The following UNC13C variants were observed in gnomAD, a reference collection of about 807,000 sequenced individuals.
The protein encoded by UNC13C is unc-13 homolog C, also known as protein unc-13 homolog C.
A neutral mutation model predicts 245.4 loss-of-function variants in UNC13C; 174 were observed. That is an observed-to-expected ratio of 0.71 (90% CI 0.63 to 0.80). The LOEUF (loss-of-function observed/expected upper bound fraction) is 0.80. UNC13C is among the 30% of genes least tolerant of loss of function. The pLI is 0.00. For synonymous variants in UNC13C, 992 were observed against 895.1 expected, an observed-to-expected ratio of 1.11 and a Z score of -1.93; for missense variants, 2,829 against 2,602.9, an observed-to-expected ratio of 1.09 and a Z score of -1.89.
intron 2 of UNC13C, among the ~76,000 whole-genome samples, chr15:54,114,650 A>C (rs2030096795): frequency 6.6e-6 from 1 of 152,208 alleles, no homozygotes; most frequent in Non-Finnish European, 1.5e-5. Flanking sequence ...AATGCAGTAA[A>C]CATATTTCTA....
chr15:53,973,354 G>T (rs1206150914), upstream of UNC13C, among the ~76,000 whole-genome samples: 3 of 152,000 alleles, frequency 2.0e-5, no homozygotes, highest in Non-Finnish European at 2.9e-5. Context: ...TACTATCTAA[G>T]TTGCTTTACA....
At chr15:54,217,739 G>C (rs1168145865) in intron 4 of UNC13C, among the ~76,000 whole-genome samples, 1 of 151,820 alleles carries the variant, frequency 6.6e-6, no homozygotes, top group Non-Finnish European at 1.5e-5. Context: ...TAGATTCATA[G>C]AGGATAAAAA....
the UNC13C span, among the ~76,000 whole-genome samples, chr15:53,837,929 A>G: frequency 6.6e-6 from 1 of 152,140 alleles, no homozygotes; most frequent in Non-Finnish European, 1.5e-5. Context: ...TAAAAAATCA[A>G]TGCATTATTT....
At chr15:53,972,695 G>A in the UNC13C span, 1 of 152,058 alleles carries the variant, frequency 6.6e-6, no homozygotes, top group African/African-American at 2.4e-5. Flanking sequence ...CTTCTGTCAC[G>A]GTTATTTTCA....
At chr15:54,604,706 T>A (rs1899663947) in intron 30 of UNC13C, among the ~76,000 whole-genome samples, 1 of 152,206 alleles carries the variant, frequency 6.6e-6, no homozygotes, top group Admixed American at 6.5e-5. Context: ...TGAACACCTC[T>A]TTCCAGTGCC....
intron 2 of UNC13C, among the ~76,000 whole-genome samples, chr15:54,138,719 G>C (rs898813401): frequency 6.6e-6 from 1 of 151,808 alleles, no homozygotes; most frequent in Non-Finnish European, 1.5e-5. Flanking sequence ...TGCTGGGGTT[G>C]CCATAACATA....
chr15:54,349,160 GAATA>G (rs1174975041), intron 17 of UNC13C, among the ~76,000 whole-genome samples: 1 of 148,712 alleles, frequency 6.7e-6, no homozygotes, highest in Non-Finnish European at 1.5e-5. Context: ...AAAATGTATA[GAATA>G]AATGTTATGA....
chr15:54,248,340 C>G lies in UNC13C; in HGVS notation c.3229-1885C>G, dbSNP rs555236696. ...TTACGCACACAAACACACACACAGC[C>G]CCTCAGCCCAGTTAGAACGGGAGAC... On this transcript the variant is annotated intron_variant, in intron 7 of 32. Transcript: ENST00000260323. 5.4e-4 allele frequency among the ~76,000 whole-genome samples: 82 copies of G among 152,168 alleles called. 3 individuals are homozygous for G. The South Asian group carries it at 0.016, about 29-fold the overall frequency.
At chr15:54,147,435 G>A (rs1229431275) in intron 4 of UNC13C, among the ~76,000 whole-genome samples, 1 of 152,024 alleles carries the variant, frequency 6.6e-6, no homozygotes, top group African/African-American at 2.4e-5. Context: ...TAGCCAGGAT[G>A]GTCTCGATCT....
chr15:54,415,204 C>A, intron 19 of UNC13C, 137 bp downstream of exon 19: 4 of 591,506 alleles, frequency 6.8e-6, no homozygotes, highest in Admixed American at 3.5e-5. Flanking sequence ...AACTTATTTC[C>A]GTATGGTGAA....
chr15:54,455,696 G>T (rs1891483447), intron 19 of UNC13C, among the ~76,000 whole-genome samples: 1 of 151,458 alleles, frequency 6.6e-6, no homozygotes, highest in Non-Finnish European at 1.5e-5. Context: ...CCTGATTTTT[G>T]ATGGGGTTAT....
At chr15:54,585,930 G>A (rs1489919915) in intron 30 of UNC13C, among the ~76,000 whole-genome samples, 1 of 152,126 alleles carries the variant, frequency 6.6e-6, no homozygotes, top group Admixed American at 6.5e-5. Context: ...TAGACAATTG[G>A]CTTTATCCAA....
chr15:54,620,593 C>T (rs1015295459), intron 30 of UNC13C, among the ~76,000 whole-genome samples: 2 of 151,952 alleles, frequency 1.3e-5, no homozygotes, highest in African/African-American at 2.4e-5. Flanking sequence ...GCTCTATTCT[C>T]GGCTGGGCAT....
Position 54,533,043 on chromosome 15 carries a change from T to G in UNC13C, c.5673T>G (p.Ser1891=). 6.3e-7 allele frequency: 1 copy of G among 1,593,874 alleles called. No homozygotes were observed. Residue 1891 remains serine (S), a synonymous_variant, in exon 26 of 33, where the codon TCT becomes TCG. Coordinates refer to ENST00000260323, the MANE Select transcript of UNC13C (RefSeq NM_001080534.3). ...AAMDAEIVLR[S]LMDFLDKTLS... The stretch of plus-strand genomic sequence containing the variant: ...TGGATGCAGAGATTGTGTTAAGATC[T>G]CTTATGGATTTTTTGGACAAAACGT...
chr15:54,136,776 G>A (rs1396455099), intron 2 of UNC13C, among the ~76,000 whole-genome samples: 1 of 151,988 alleles, frequency 6.6e-6, no homozygotes, highest in East Asian at 1.9e-4. Context: ...ATTTTGTCAA[G>A]AGCTTTTTCT....
chr15:54,238,134 G>C (rs1239615730), intron 7 of UNC13C, among the ~76,000 whole-genome samples: 1 of 137,432 alleles, frequency 7.3e-6, no homozygotes, highest in Non-Finnish European at 1.5e-5. Context: ...CAGTGCAGTG[G>C]CACGATCTCG....
the UNC13C span, among the ~76,000 whole-genome samples, chr15:53,962,994 GTAGCT>G: frequency 1.3e-5 from 2 of 152,198 alleles, no homozygotes; most frequent in African/African-American, 2.4e-5. Flanking sequence ...GAATATTTAT[GTAGCT>G]TTCTCGACTG....
chr15:54,630,191 T>C (rs888873749), downstream of UNC13C: 3 of 152,192 alleles, frequency 2.0e-5, no homozygotes, highest in Non-Finnish European at 4.4e-5. Flanking sequence ...TAAATCAAAT[T>C]TAGCAAACAC....
At chr15:54,472,813 T>A (rs1892530488) in intron 19 of UNC13C, among the ~76,000 whole-genome samples, 2 of 151,966 alleles carry the variant, frequency 1.3e-5, no homozygotes, top group South Asian at 4.1e-4. Flanking sequence ...TTTGCTGCTT[T>A]CAAGGCTCTC....
Sources: gnomAD v4.1 joint callset for allele counts (sites outside exome capture counted in the v4.1 genomes callset) on GRCh38, gnomAD v4.1.1 for gene constraint, MANE v1.5 for transcripts, NCBI Gene and HGNC (gene_info 2026-07-23, HGNC 2026-07-21) for gene names.